The following SLC16A12 variants were observed in gnomAD, a reference collection of about 807,000 sequenced individuals.
The protein encoded by SLC16A12 is monocarboxylate transporter 12.
SLC16A12 carries 17 observed loss-of-function variants against 42.4 expected under a neutral mutation model. The observed-to-expected ratio is 0.40, with a 90% confidence interval of 0.27 to 0.60. The LOEUF is 0.60. SLC16A12 is among the 20% of genes least tolerant of loss of function. The pLI, the probability that SLC16A12 is intolerant of heterozygous loss-of-function variation, is 0.42. For synonymous variants in SLC16A12, 224 were observed against 229.4 expected (o/e 0.98, Z 0.21); for missense variants, 544 against 623.0 (o/e 0.87, Z 1.35).
intron 3 of SLC16A12, among the ~76,000 whole-genome samples, chr10:89,445,808 C>T (rs921986005): frequency 2.0e-5 from 3 of 152,030 alleles, no homozygotes; most frequent in South Asian, 2.1e-4. Context: ...CAAACTTCTC[C>T]GAGCTAAAGG....
At chr10:89,552,956 A>T (rs1301467148) in intron 2 of SLC16A12, among the ~76,000 whole-genome samples, 3 of 152,214 alleles carry the variant, frequency 2.0e-5, no homozygotes, top group African/African-American at 4.8e-5. Flanking sequence ...TCAGAATTTG[A>T]AGCCCCAGCT....
chr10:89,451,324 C>T (rs1475902489), intron 3 of SLC16A12, among the ~76,000 whole-genome samples: 1 of 152,094 alleles, frequency 6.6e-6, no homozygotes, highest in Admixed American at 6.5e-5. Flanking sequence ...TTAGGCAGGG[C>T]CGGCTTCATG....
chr10:89,440,073 C>CAAAA (rs10674171), intron 5 of SLC16A12, among the ~76,000 whole-genome samples: 3,736 of 31,446 alleles, frequency 0.12, 805 homozygotes, highest in Non-Finnish European at 0.15. Flanking sequence ...GACCCTGTCT[C>CAAAA]AAAAAAAAAA....
chr10:89,492,651 T>C (rs1439023665), intron 2 of SLC16A12, among the ~76,000 whole-genome samples: 6 of 152,122 alleles, frequency 3.9e-5, no homozygotes, highest in Non-Finnish European at 7.4e-5. Flanking sequence ...AGTAATTTAT[T>C]TGGGCAAGTC....
chr10:89,523,124 G>T (rs577806105), intron 2 of SLC16A12, among the ~76,000 whole-genome samples: 1 of 152,078 alleles, frequency 6.6e-6, no homozygotes, highest in East Asian at 1.9e-4. Context: ...CTTTTCACTG[G>T]GTTCTCCTTA....
At chr10:89,502,998 C>T (rs1843010119) in intron 2 of SLC16A12, among the ~76,000 whole-genome samples, 1 of 152,306 alleles carries the variant, frequency 6.6e-6, no homozygotes, top group East Asian at 1.9e-4. Context: ...CAGCGGGTTC[C>T]TATTTGGTAA....
At chr10:89,512,342 G>A (rs1037011343) in intron 2 of SLC16A12, among the ~76,000 whole-genome samples, 1 of 152,162 alleles carries the variant, frequency 6.6e-6, no homozygotes, top group African/African-American at 2.4e-5. Flanking sequence ...AAATCTTGTA[G>A]GTGATGTTTC....
chr10:89,459,746 C>T (rs542247324), intron 3 of SLC16A12, among the ~76,000 whole-genome samples: 4 of 152,222 alleles, frequency 2.6e-5, no homozygotes, highest in Admixed American at 1.3e-4. Flanking sequence ...TTGAGACCAT[C>T]CTGGCCAACA....
At chr10:89,465,113 C>T (rs1384358708) in intron 2 of SLC16A12, among the ~76,000 whole-genome samples, 2 of 152,196 alleles carry the variant, frequency 1.3e-5, no homozygotes, top group Non-Finnish European at 2.9e-5. Context: ...TTACAAAACA[C>T]TTGCCATAGG....
At chr10:89,537,154 T>G (rs1194626693), upstream of SLC16A12, among the ~76,000 whole-genome samples, 4 of 151,178 alleles carry the variant, frequency 2.6e-5, no homozygotes, top group Admixed American at 6.6e-5. Flanking sequence ...TGTTTTTTTT[T>G]TTTTTTTTTT....
intron 2 of SLC16A12, among the ~76,000 whole-genome samples, chr10:89,514,156 G>A (rs557998961): frequency 2.0e-5 from 3 of 152,322 alleles, no homozygotes; most frequent in African/African-American, 4.8e-5. Flanking sequence ...CACAAGTGAC[G>A]CCTTCACTGG....
At chr10:89,499,921 A>G (rs1842970768) in intron 2 of SLC16A12, among the ~76,000 whole-genome samples, 1 of 152,218 alleles carries the variant, frequency 6.6e-6, no homozygotes, top group South Asian at 2.1e-4. Flanking sequence ...CAAGAAAAGA[A>G]GAGAGAAAAT....
chr10:89,542,051 A>G (rs1344210228), intron 2 of SLC16A12, among the ~76,000 whole-genome samples: 1 of 152,214 alleles, frequency 6.6e-6, no homozygotes, highest in Non-Finnish European at 1.5e-5. Context: ...TTTGAGGATT[A>G]CATGAGATGA....
Position 89,450,105 on chromosome 10 carries a change from A to G in SLC16A12, c.201-6246T>C, listed in dbSNP as rs560683248. ...GAATGGCCATCATTAAAAAGTCAGG[A>G]AACAACAGGTGCTGGAGAGGATGTG... On this transcript the variant is annotated intron_variant, in intron 3 of 7. Transcript: ENST00000371790. 2.4e-3 allele frequency among the ~76,000 whole-genome samples: 364 copies of G among 152,318 alleles called. 1 individual carries two copies. Among genetic ancestry groups the G allele is most frequent in the African/African-American group, 8.2e-3 (339 of 41,568 alleles).
At chr10:89,472,429 C>G (rs1842512228) in intron 2 of SLC16A12, among the ~76,000 whole-genome samples, 1 of 151,546 alleles carries the variant, frequency 6.6e-6, no homozygotes, top group South Asian at 2.1e-4. Context: ...TCAGTGAAAT[C>G]CCAAACAAAA....
In SLC16A12 at chr10:89,547,094, A is replaced by G. The variant is rs148652604; in HGVS notation, c.-47+8788T>C. Among the ~76,000 whole-genome samples, 463 of 152,304 alleles carry G rather than the reference A, an allele frequency of 3.0e-3. 6 individuals carry two copies. Among genetic ancestry groups the G allele is most frequent in the Middle Eastern group, 6.8e-3 (2 of 294 alleles). Reference sequence around the variant, plus strand: ...TGGTCAATAGGTGCAGCAAACCACCATGGCACACATGTATCTATGTAACAA... The same window carrying G: ...TGGTCAATAGGTGCAGCAAACCACCGTGGCACACATGTATCTATGTAACAA... On this transcript the variant is annotated intron_variant, in intron 2 of 2. Coordinates refer to the SLC16A12 transcript ENST00000475682.
At chr10:89,521,092 TA>T (rs1225087842) in intron 2 of SLC16A12, among the ~76,000 whole-genome samples, 1 of 152,244 alleles carries the variant, frequency 6.6e-6, no homozygotes, top group African/African-American at 2.4e-5. Flanking sequence ...TGGAAGGTGA[TA>T]TCTGTCCAAG....
chr10:89,506,586 A>T (rs1843065266), intron 2 of SLC16A12, among the ~76,000 whole-genome samples: 1 of 152,200 alleles, frequency 6.6e-6, no homozygotes, highest in Non-Finnish European at 1.5e-5. Flanking sequence ...AACATCAAAG[A>T]CCAAAGGTAG....
chr10:89,505,437 CA>C (rs578133721), intron 2 of SLC16A12, among the ~76,000 whole-genome samples: 1 of 149,852 alleles, frequency 6.7e-6, no homozygotes, highest in African/African-American at 2.5e-5. Context: ...AACAAAAAAA[CA>C]AAAAAAAACA....
Sources: gnomAD v4.1 joint callset for allele counts (sites outside exome capture counted in the v4.1 genomes callset) on GRCh38, gnomAD v4.1.1 for gene constraint, MANE v1.5 for transcripts, NCBI Gene and HGNC (gene_info 2026-07-23, HGNC 2026-07-21) for gene names.